Variants in ANO4 observed in about 807,000 individuals in gnomAD.
ANO4 encodes anoctamin-4.
Under a neutral mutation model 141.9 loss-of-function variants are expected in ANO4, and 69 were observed. That is an observed-to-expected ratio of 0.49 (90% CI 0.40 to 0.59). The LOEUF (loss-of-function observed/expected upper bound fraction) is 0.59. Among genes scored for constraint, ANO4 ranks in the 20% least tolerant of loss-of-function variants. The pLI is 0.00. For missense variants in ANO4, 894 were observed against 1,162.2 expected (o/e 0.77, Z 3.36); for synonymous variants, 350 against 394.3 (o/e 0.89, Z 1.33).
intron 1 of ANO4, among the ~76,000 whole-genome samples, chr12:100,797,114 TTATA>T (rs1159716256): frequency 7.0e-6 from 1 of 142,486 alleles, no homozygotes; most frequent in African/African-American, 2.6e-5. Flanking sequence ...GTGCAATTGT[TTATA>T]TATATGTGTG....
At chr12:100,779,743 C>A (rs954657180) in intron 3 of ANO4, among the ~76,000 whole-genome samples, 4 of 152,096 alleles carry the variant, frequency 2.6e-5, no homozygotes, top group Admixed American at 2.6e-4. Context: ...GTTGCCATTG[C>A]TTGTCTGTTC....
intron 1 of ANO4, among the ~76,000 whole-genome samples, chr12:100,815,157 G>C (rs1339201308): frequency 6.6e-6 from 1 of 152,114 alleles, no homozygotes; most frequent in East Asian, 1.9e-4. Context: ...AGAATGTAGT[G>C]CTTAGAGATT....
At chr12:101,092,515 T>C (rs2049819362) in intron 17 of ANO4, among the ~76,000 whole-genome samples, 1 of 152,136 alleles carries the variant, frequency 6.6e-6, no homozygotes, top group South Asian at 2.1e-4. Flanking sequence ...CATGTGGAGA[T>C]CTCTGAGCGG....
intron 7 of ANO4, among the ~76,000 whole-genome samples, chr12:100,982,501 T>C (rs1304825199): frequency 6.6e-6 from 1 of 152,234 alleles, no homozygotes; most frequent in Non-Finnish European, 1.5e-5. Context: ...TCACAGATTT[T>C]GAACTTTTAT....
intron 1 of ANO4, among the ~76,000 whole-genome samples, chr12:100,845,094 G>A (rs1250673880): frequency 6.6e-6 from 1 of 152,168 alleles, no homozygotes; most frequent in Admixed American, 6.5e-5. Context: ...AGCAGGAAAG[G>A]CCCATCATAG....
chr12:100,982,525 A>G (rs1019174480), intron 7 of ANO4, among the ~76,000 whole-genome samples: 3 of 152,226 alleles, frequency 2.0e-5, no homozygotes, highest in South Asian at 2.1e-4. Context: ...GAAAAGAGCA[A>G]TCTATGTAGA....
At chr12:100,829,999 G>T (rs1039000388) in intron 1 of ANO4, among the ~76,000 whole-genome samples, 1 of 152,034 alleles carries the variant, frequency 6.6e-6, no homozygotes, top group Non-Finnish European at 1.5e-5. Flanking sequence ...CTCAATAATT[G>T]TGTGATCTTG....
At chr12:101,112,224 G>A (rs1182750340) in intron 24 of ANO4, among the ~76,000 whole-genome samples, 3 of 152,128 alleles carry the variant, frequency 2.0e-5, no homozygotes, top group Non-Finnish European at 4.4e-5. Context: ...GAATAAGTAA[G>A]TGAATGACTT....
At chr12:100,876,703 A>G (rs982497586) in intron 1 of ANO4, among the ~76,000 whole-genome samples, 3 of 152,190 alleles carry the variant, frequency 2.0e-5, no homozygotes, top group Admixed American at 6.5e-5. Context: ...CCATGTATTG[A>G]AGAGACTATC....
At chr12:101,030,681 G>GT (rs981377672) in intron 9 of ANO4, among the ~76,000 whole-genome samples, 4 of 151,402 alleles carry the variant, frequency 2.6e-5, no homozygotes, top group Non-Finnish European at 4.4e-5. Flanking sequence ...ACCAGGAACT[G>GT]TTTTTTTGAA....
intron 25 of ANO4, 83 bp downstream of exon 25, chr12:101,116,881 C>G: frequency 6.4e-7 from 1 of 1,574,784 alleles, no homozygotes; most frequent in Non-Finnish European, 8.7e-7. Flanking sequence ...CCCCTTCTGG[C>G]TGAGTGTGTT....
intron 14 of ANO4, among the ~76,000 whole-genome samples, chr12:101,074,085 A>G (rs583825): frequency 0.26 from 38,802 of 152,042 alleles, 5,275 homozygotes; most frequent in East Asian, 0.55. Flanking sequence ...TCATGCCTTC[A>G]ATGCAATGTC....
At chr12:100,939,935 T>G (rs1451776621) in intron 4 of ANO4, among the ~76,000 whole-genome samples, 1 of 151,990 alleles carries the variant, frequency 6.6e-6, no homozygotes, top group Non-Finnish European at 1.5e-5. Context: ...AAAATTAGTA[T>G]TTTTTTTGGA....
At chr12:101,102,148 T>C (rs181138977) in intron 22 of ANO4, among the ~76,000 whole-genome samples, 79 of 152,352 alleles carry the variant, frequency 5.2e-4, no homozygotes, top group African/African-American at 1.9e-3. Context: ...TTGTGTTGTT[T>C]CCAAATTTAG....
chr12:100,782,178 A>C (rs2033730670), intron 3 of ANO4, among the ~76,000 whole-genome samples: 1 of 151,982 alleles, frequency 6.6e-6, no homozygotes, highest in South Asian at 2.1e-4. Flanking sequence ...ACTCTTCACT[A>C]TTTCTGTGAC....
At position 101,017,335 on chromosome 12, in the gene ANO4, A is replaced by G. The variant is rs759668329; in HGVS notation, c.735-2699A>G. On this transcript the variant is annotated intron_variant, in intron 8 of 27. Coordinates refer to ENST00000392977, the MANE Select transcript of ANO4 (RefSeq NM_001286615.2). Reference sequence around the variant, plus strand: ...AACAGCACTGGAAAAACTCACCCCCATGATTCGATTACCTCCCACCAGGTC... The same window carrying G: ...AACAGCACTGGAAAAACTCACCCCCGTGATTCGATTACCTCCCACCAGGTC... Among the ~76,000 whole-genome samples the G allele has an allele frequency of 2.0e-4, 30 of 152,122 alleles. 1 individual carries two copies. The highest frequency in any genetic ancestry group is 3.1e-4 in the Non-Finnish European group (21 of 68,012).
intron 1 of ANO4, among the ~76,000 whole-genome samples, chr12:100,820,729 A>G (rs568774886): frequency 1.3e-5 from 2 of 152,194 alleles, no homozygotes; most frequent in East Asian, 3.9e-4. Context: ...TTTCACCCCA[A>G]AGTGTCTCCT....
chr12:101,087,909 G>T (rs146316906), intron 17 of ANO4, among the ~76,000 whole-genome samples: 76 of 152,246 alleles, frequency 5.0e-4, no homozygotes, highest in African/African-American at 1.8e-3. Context: ...GTCTCTTGCC[G>T]AGATTATTGC....
intron 3 of ANO4, among the ~76,000 whole-genome samples, chr12:100,923,858 G>A (rs1174059629): frequency 6.6e-6 from 1 of 152,120 alleles, no homozygotes; most frequent in Non-Finnish European, 1.5e-5. Context: ...ATCTCATGGT[G>A]GTTTTGATTT....
Sources: gnomAD v4.1 joint callset for allele counts (sites outside exome capture counted in the v4.1 genomes callset) on GRCh38, gnomAD v4.1.1 for gene constraint, MANE v1.5 for transcripts, NCBI Gene and HGNC (gene_info 2026-07-23, HGNC 2026-07-21) for gene names.